PGR: variants seen among roughly 807,000 people sequenced by gnomAD.
PGR encodes the protein nuclear receptor subfamily 3 group C member 3.
A neutral mutation model predicts 76.1 loss-of-function variants in PGR; 25 were observed. The observed-to-expected ratio is 0.33, with a 90% confidence interval of 0.24 to 0.46. PGR has a LOEUF of 0.46. Among genes scored for constraint, PGR ranks in the 20% least tolerant of loss-of-function variants. PGR has a pLI of 1.00. For missense variants in PGR, 1,172 were observed against 1,225.3 expected, an observed-to-expected ratio of 0.96 and a Z score of 0.65; for synonymous variants, 579 against 535.0, an observed-to-expected ratio of 1.08 and a Z score of -1.14.
chr11:101,077,188 TTACACTACC>T (rs1384741756), intron 3 of PGR, among the ~76,000 whole-genome samples: 1 of 152,166 alleles, frequency 6.6e-6, no homozygotes, highest in African/African-American at 2.4e-5. Context: ...ACAGTCATCC[TTACACTACC>T]TATATAAAAT....
Position 101,030,112 on chromosome 11 carries a change from C to G in PGR, c.*9004G>C. On this transcript the variant is annotated 3_prime_UTR_variant, in exon 8 of 8. Transcript: ENST00000325455. ...GCTAAATATCTTTAAAAGTATAACTCTGGACAATGTACTTAGGGACCTACT... is the reference window on the plus strand; with the variant it reads ...GCTAAATATCTTTAAAAGTATAACTGTGGACAATGTACTTAGGGACCTACT... 2 of 219,594 alleles carry G rather than the reference C, an allele frequency of 9.1e-6. No individual in the cohort carries two copies. The highest frequency in any genetic ancestry group is 1.3e-4 in the East Asian group (2 of 14,894). 13.6% of individuals were successfully genotyped at this position (219,594 alleles called of 1,614,324 possible). A position where few individuals can be genotyped will look rare whatever the true frequency, so the allele number is the denominator to read the frequency against.
In PGR at chr11:101,129,153, G is replaced by T. The variant is rs559126784; in HGVS notation, c.-83C>A. 32 of 1,154,322 alleles carry T rather than the reference G, an allele frequency of 2.8e-5. No individual in the cohort carries two copies. The South Asian group carries it at 3.9e-4, about 14-fold the overall frequency. 71.5% of individuals were successfully genotyped at this position (1,154,322 alleles called of 1,614,324 possible). A position where few individuals can be genotyped will look rare whatever the true frequency, so the allele number is the denominator to read the frequency against. ...AGGAGGGGGTTTCGGGAATATAGGG[G>T]CAGAGGGAGGAGAAAGTGGGTGTTG... On this transcript the variant is annotated 5_prime_UTR_variant, in exon 1 of 8. Transcript: ENST00000325455.
chr11:101,038,985 A>G lies in PGR; in HGVS notation c.*131T>C. The G allele has an allele frequency of 1.6e-6, 1 of 623,292 alleles. No homozygotes were observed. The allele number at this position is 623,292 out of a possible 1,614,324, so 38.6% of individuals were successfully genotyped here. ...TTAGAACCTCACAATTTTTCTTTTAAATTTACACACTATGATGTTATAAAT... is the reference window on the plus strand; with the variant it reads ...TTAGAACCTCACAATTTTTCTTTTAGATTTACACACTATGATGTTATAAAT... On this transcript the variant is annotated 3_prime_UTR_variant, in exon 8 of 8. Coordinates refer to ENST00000325455, the MANE Select transcript of PGR (RefSeq NM_000926.4).
chr11:101,040,418 T>C (rs1859659256), intron 7 of PGR, among the ~76,000 whole-genome samples: 1 of 152,064 alleles, frequency 6.6e-6, no homozygotes, highest in African/African-American at 2.4e-5. Context: ...TAAGACATCC[T>C]GTAGCAGTTC....
At position 101,105,751 on chromosome 11, in the gene PGR, A is replaced by G. The variant is rs574097918; in HGVS notation, c.1790-13875T>C. ...ACTTTAAACTTCATATGGAACCAAAAAAGAGCCCACATAGCCAAGACAATC... is the reference window on the plus strand; with the variant it reads ...ACTTTAAACTTCATATGGAACCAAAGAAGAGCCCACATAGCCAAGACAATC... On this transcript the variant is annotated intron_variant, in intron 2 of 7. Transcript: ENST00000325455. Among the ~76,000 whole-genome samples, 6 of 152,298 alleles carry G rather than the reference A, an allele frequency of 3.9e-5. No individual in the cohort carries two copies. The East Asian group carries it at 1.2e-3, about 29-fold the overall frequency.
At chr11:101,043,686 C>T (rs1007221142) in intron 6 of PGR, among the ~76,000 whole-genome samples, 2 of 152,164 alleles carry the variant, frequency 1.3e-5, no homozygotes, top group Non-Finnish European at 2.9e-5. Flanking sequence ...GATCTATGAA[C>T]TACAGAATGA....
At chr11:101,082,629 C>T (rs1347599455) in intron 3 of PGR, among the ~76,000 whole-genome samples, 4 of 152,124 alleles carry the variant, frequency 2.6e-5, no homozygotes, top group African/African-American at 9.7e-5. Flanking sequence ...GGCATTTTGC[C>T]CCTGTCCTAG....
intron 6 of PGR, among the ~76,000 whole-genome samples, chr11:101,045,664 T>TG (rs1859848206): frequency 1.9e-5 from 2 of 104,446 alleles, no homozygotes; most frequent in African/African-American, 6.7e-5. Context: ...ACTATTCCAT[T>TG]TTGTGTGTGT....
chr11:101,104,366 T>C (rs1469470431), intron 2 of PGR, among the ~76,000 whole-genome samples: 1 of 152,212 alleles, frequency 6.6e-6, no homozygotes, highest in Admixed American at 6.5e-5. Context: ...TTCTGCAGCA[T>C]GATAAAATTG....
intron 1 of PGR, 51 bp from the exon 2 acceptor site, chr11:101,126,209 T>C: frequency 6.4e-7 from 1 of 1,564,174 alleles, no homozygotes. Context: ...CACCACTATC[T>C]AATACTAAAG....
At chr11:101,125,605 G>A (rs1211478064) in intron 2 of PGR, among the ~76,000 whole-genome samples, 1 of 152,082 alleles carries the variant, frequency 6.6e-6, no homozygotes, top group Non-Finnish European at 1.5e-5. Flanking sequence ...ACGCATACAT[G>A]TACATATGTG....
intron 4 of PGR, among the ~76,000 whole-genome samples, chr11:101,057,777 G>T (rs542515802): frequency 6.6e-6 from 1 of 152,206 alleles, no homozygotes; most frequent in East Asian, 1.9e-4. Flanking sequence ...TCTTGCTGAG[G>T]TGCCATTTCA....
At chr11:101,085,227 A>G (rs1861451868) in intron 3 of PGR, among the ~76,000 whole-genome samples, 1 of 152,204 alleles carries the variant, frequency 6.6e-6, no homozygotes, top group Non-Finnish European at 1.5e-5. Flanking sequence ...AGTCAAAATC[A>G]TGCCAGTCAT....
At chr11:101,041,124 G>C (rs11224566) in intron 7 of PGR, among the ~76,000 whole-genome samples, 2,306 of 148,386 alleles carry the variant, frequency 0.016, 43 homozygotes, top group African/African-American at 0.052. Flanking sequence ...GTTTTCTTCT[G>C]TTCTCTGCAC....
At chr11:101,047,682 G>A (rs1220271267) in intron 6 of PGR, among the ~76,000 whole-genome samples, 1 of 152,112 alleles carries the variant, frequency 6.6e-6, no homozygotes, top group African/African-American at 2.4e-5. Flanking sequence ...CTCGGCCTGA[G>A]GTCTTAGCTC....
At chr11:101,083,642 T>C (rs1861389139) in intron 3 of PGR, among the ~76,000 whole-genome samples, 1 of 152,192 alleles carries the variant, frequency 6.6e-6, no homozygotes, top group Non-Finnish European at 1.5e-5. Flanking sequence ...AGAGATTATT[T>C]TGGAGCTTTA....
rs199751131 is a variant in PGR at position 101,127,951 on chromosome 11, A to C, written c.1120T>G (p.Tyr374Asp). Residue 374 changes from tyrosine (Y) to aspartate (D), a missense_variant, in exon 1 of 8, where the codon TAC (tyrosine) becomes GAC (aspartate). Physicochemically the swap from Tyr to Asp is radical, Grantham distance 160. Transcript: ENST00000325455. ...PPDAEPKDDA[Y>D]PLYSDFQPPA... is the part of the protein sequence containing the mutation. Reference sequence around the variant, plus strand: ...GGCTGGAAGTCGCTATAGAGAGGGTACGCGTCGTCCTTGGGCTCGGCGTCG... The same window carrying C: ...GGCTGGAAGTCGCTATAGAGAGGGTCCGCGTCGTCCTTGGGCTCGGCGTCG... The C allele has an allele frequency of 9.9e-5, 159 of 1,611,130 alleles. No homozygotes were observed. Among genetic ancestry groups the C allele is most frequent in the Admixed American group, 1.2e-4 (7 of 59,936 alleles).
chr11:101,033,158 ATACTT>A lies in PGR; in HGVS notation c.*5953_*5957del. On this transcript the variant is annotated 3_prime_UTR_variant, in exon 8 of 8. Transcript: ENST00000325455. ...CACAGAATACTAAGATCAAAAGGAG[ATACTT>A]TACTGGCTAAAGTGAAGAATTCTAA... 1 of 209,500 alleles carries A rather than the reference ATACTT, an allele frequency of 4.8e-6. No homozygotes were observed. The highest frequency in any genetic ancestry group is 9.7e-6 in the Non-Finnish European group (1 of 102,974). 13.0% of individuals were successfully genotyped at this position (209,500 alleles called of 1,614,324 possible). A position where few individuals can be genotyped will look rare whatever the true frequency, so the allele number is the denominator to read the frequency against.
chr11:101,092,492 AAAGG>A (rs1404751414), intron 2 of PGR, among the ~76,000 whole-genome samples: 3 of 152,214 alleles, frequency 2.0e-5, no homozygotes, highest in Non-Finnish European at 4.4e-5. Flanking sequence ...AAATAATGAT[AAAGG>A]AAGAACTTAA....
Sources: allele counts gnomAD v4.1 joint callset (sites outside exome capture counted in the v4.1 genomes callset), GRCh38; gene constraint gnomAD v4.1.1; transcripts MANE v1.5; gene names NCBI Gene and HGNC (gene_info 2026-07-23, HGNC 2026-07-21).